Variants in GRIK3 observed in about 807,000 individuals in gnomAD.
The protein encoded by GRIK3 is glutamate ionotropic receptor kainate type subunit 3, also known as glutamate receptor ionotropic, kainate 3.
Under a neutral mutation model 102.5 loss-of-function variants are expected in GRIK3, and 29 were observed. The ratio of observed to expected loss-of-function variants is 0.28; its 90% CI spans 0.21 to 0.39. The LOEUF is 0.39. GRIK3 is among the 10% of genes least tolerant of loss of function. GRIK3 has a pLI of 1.00. For synonymous variants in GRIK3, 511 were observed against 504.9 expected, an observed-to-expected ratio of 1.01 and a Z score of -0.16; for missense variants, 908 against 1,252.4, an observed-to-expected ratio of 0.73 and a Z score of 4.15.
In GRIK3 at chr1:36,806,111, C is replaced by G. The variant is rs114469448; in HGVS notation, c.2307G>C (p.Thr769=). 3.1e-6 allele frequency: 5 copies of G among 1,612,584 alleles called. No homozygotes were observed. The African/African-American group carries it at 6.7e-5, about 22-fold the overall frequency. The stretch of plus-strand genomic sequence containing the variant: ...AGGCAGCCCCTCGCTCACCCATGGG[C>G]GTGCCGATGCCGTAGCCCTTGGAGT... The part of the protein sequence containing the change: ...LIDSKGYGIG[T]PMGSPYRDKI... Residue 769 remains threonine, a synonymous_variant, in exon 14 of 16, where the codon ACG becomes ACC. Transcript: ENST00000373091. This position sits in a 1 kb window ranked among gnomAD's most constrained non-coding sequence, Gnocchi z 4.0.
At chr1:36,910,813 T>C (rs576065120) in intron 1 of GRIK3, among the ~76,000 whole-genome samples, 25 of 152,344 alleles carry the variant, frequency 1.6e-4, no homozygotes, top group African/African-American at 5.5e-4. Flanking sequence ...CAAGGCACTA[T>C]GCTGGGCACT....
intron 1 of GRIK3, among the ~76,000 whole-genome samples, chr1:36,975,058 T>C (rs1005020410): frequency 1.3e-5 from 2 of 152,098 alleles, no homozygotes; most frequent in African/African-American, 4.8e-5. Flanking sequence ...ATAAAACAGT[T>C]CTGGAAATGG....
At chr1:36,874,152 C>A (rs1466323631) in intron 3 of GRIK3, among the ~76,000 whole-genome samples, 1 of 152,220 alleles carries the variant, frequency 6.6e-6, no homozygotes, top group Non-Finnish European at 1.5e-5. Context: ...TGACCTCACT[C>A]AGATAGCCCT....
chr1:37,019,142 A>C (rs897002204), intron 1 of GRIK3, among the ~76,000 whole-genome samples: 16 of 152,270 alleles, frequency 1.1e-4, no homozygotes, highest in African/African-American at 2.6e-4. Context: ...TTGGGTACTA[A>C]CCCCTTCCTT....
chr1:37,017,941 C>A (rs1372212450), intron 1 of GRIK3, among the ~76,000 whole-genome samples: 6 of 152,158 alleles, frequency 3.9e-5, no homozygotes, highest in Admixed American at 6.5e-5. Flanking sequence ...GAGCTCCACC[C>A]TCAGGTCATG....
intron 5 of GRIK3, among the ~76,000 whole-genome samples, chr1:36,865,202 C>T (rs1640769847): frequency 6.6e-6 from 1 of 152,158 alleles, no homozygotes; most frequent in African/African-American, 2.4e-5. Context: ...CAGGCTTTTA[C>T]CTACACATGA....
At chr1:36,994,463 G>A (rs1462016579) in intron 1 of GRIK3, among the ~76,000 whole-genome samples, 1 of 152,226 alleles carries the variant, frequency 6.6e-6, no homozygotes, top group Non-Finnish European at 1.5e-5. Context: ...CTGTTCTTCA[G>A]TTTTATTACC....
At chr1:37,005,773 G>A (rs1344908670) in intron 1 of GRIK3, among the ~76,000 whole-genome samples, 3 of 152,190 alleles carry the variant, frequency 2.0e-5, no homozygotes, top group Admixed American at 6.5e-5. Context: ...TCAAGGCACT[G>A]GGCAACCTGG....
chr1:37,031,242 AT>A (rs1433533932), intron 1 of GRIK3, among the ~76,000 whole-genome samples: 1 of 152,138 alleles, frequency 6.6e-6, no homozygotes, highest in African/African-American at 2.4e-5. Flanking sequence ...ATCAATGATC[AT>A]TTTTTCTCGC....
intron 1 of GRIK3, among the ~76,000 whole-genome samples, chr1:36,973,471 G>A (rs1342924249): frequency 7.0e-6 from 1 of 143,858 alleles, no homozygotes; most frequent in East Asian, 2.0e-4. Context: ...CCAGGCTGGA[G>A]TGCAGTGGCA....
chr1:36,988,897 A>G (rs933215193), intron 1 of GRIK3, among the ~76,000 whole-genome samples: 3 of 152,142 alleles, frequency 2.0e-5, no homozygotes, highest in Non-Finnish European at 2.9e-5. Context: ...CCCGCGCTTT[A>G]TAAATAAAGG....
chr1:36,846,331 A>C (rs1323965994), intron 9 of GRIK3, among the ~76,000 whole-genome samples: 1 of 152,180 alleles, frequency 6.6e-6, no homozygotes, highest in Non-Finnish European at 1.5e-5. Context: ...GTCCAGGGTA[A>C]GGCATCTTTA....
At chr1:37,029,312 C>T (rs1642796651) in intron 1 of GRIK3, among the ~76,000 whole-genome samples, 1 of 152,236 alleles carries the variant, frequency 6.6e-6, no homozygotes. Context: ...AACGAGGGCC[C>T]TGCTCCTGCA....
At chr1:36,840,012 T>C (rs2124214354) in intron 10 of GRIK3, among the ~76,000 whole-genome samples, 1 of 152,306 alleles carries the variant, frequency 6.6e-6, no homozygotes, top group South Asian at 2.1e-4. Flanking sequence ...TGATACTCTG[T>C]GGGTTGCAAA....
At chr1:37,007,627 CGCACTATGT>C (rs1642546569) in intron 1 of GRIK3, among the ~76,000 whole-genome samples, 2 of 152,202 alleles carry the variant, frequency 1.3e-5, no homozygotes, top group Non-Finnish European at 1.5e-5. Flanking sequence ...CAAACGCTCC[CGCACTATGT>C]GCCTACTATG....
At chr1:36,912,979 C>T (rs1188144846) in intron 1 of GRIK3, among the ~76,000 whole-genome samples, 19 of 152,174 alleles carry the variant, frequency 1.2e-4, no homozygotes, top group Admixed American at 1.2e-3. Flanking sequence ...GCCAGGAGGA[C>T]ACTAGCTCCT....
intron 1 of GRIK3, among the ~76,000 whole-genome samples, chr1:36,999,591 C>T (rs1642453944): frequency 6.6e-6 from 1 of 152,138 alleles, no homozygotes; most frequent in Admixed American, 6.5e-5. Flanking sequence ...CAGCCAAGAT[C>T]CTTCAGCCCC....
chr1:36,925,609 C>T (rs921212654), intron 1 of GRIK3, among the ~76,000 whole-genome samples: 1 of 152,268 alleles, frequency 6.6e-6, no homozygotes, highest in Admixed American at 6.5e-5. Flanking sequence ...CAGTGTGGCC[C>T]TCCCAGGGCC....
At chr1:37,033,403 C>T (rs1642849699) in intron 1 of GRIK3, among the ~76,000 whole-genome samples, 2 of 152,212 alleles carry the variant, frequency 1.3e-5, no homozygotes, top group South Asian at 2.1e-4. Context: ...CTGCAGCGGG[C>T]AGCGGGGTCC....
Sources: gnomAD v4.1 joint callset for allele counts (sites outside exome capture counted in the v4.1 genomes callset) on GRCh38, gnomAD v4.1.1 for gene constraint, Gnocchi (gnomAD v3.1) non-coding constraint, MANE v1.5 for transcripts, NCBI Gene and HGNC (gene_info 2026-07-23, HGNC 2026-07-21) for gene names.